The following ZNF28 variants were observed in gnomAD, a reference collection of about 807,000 sequenced individuals.
ZNF28 encodes zinc finger protein 28.
ZNF28 carries 5 observed loss-of-function variants against 7.2 expected under a neutral mutation model. The observed-to-expected ratio is 0.70, with a 90% CI of 0.36 to 1.46. The LOEUF is 1.46. ZNF28 is among the 40% of genes most tolerant of loss of function. The pLI is 0.03. For missense variants in ZNF28, 879 were observed against 866.6 expected (o/e 1.01, Z -0.18); for synonymous variants, 288 against 292.4 (o/e 0.99, Z 0.15).
chr19:52,811,317 G>T (rs1052367368), intron 2 of ZNF28, among the ~76,000 whole-genome samples: 1 of 149,562 alleles, frequency 6.7e-6, no homozygotes, highest in Non-Finnish European at 1.5e-5. Context: ...CCGCCACCCC[G>T]TCTGGGAAGT....
Position 52,800,972 on chromosome 19 carries a change from C to A in ZNF28, c.873G>T (p.Ala291=). 1 of 1,614,062 alleles carries A rather than the reference C, an allele frequency of 6.2e-7. No individual in the cohort carries two copies. The highest frequency in any genetic ancestry group is 8.5e-7 in the Non-Finnish European group (1 of 1,179,998). The change falls in exon 4 of 4, where the codon GCG becomes GCT. Residue 291 remains alanine, a synonymous_variant. Transcript: ENST00000457749. The part of the protein sequence containing the change: ...GHNTSLFLHK[A]LHTADKPYEC... Reference sequence around the variant, plus strand: ...CATAAGGTTTGTCTGCAGTATGAAGCGCCTTGTGAAGGAAGAGGGATGTAT... The same window carrying A: ...CATAAGGTTTGTCTGCAGTATGAAGAGCCTTGTGAAGGAAGAGGGATGTAT...
At chr19:52,809,257 GAC>G (rs1211882070) in intron 2 of ZNF28, among the ~76,000 whole-genome samples, 7 of 152,080 alleles carry the variant, frequency 4.6e-5, no homozygotes, top group Non-Finnish European at 8.8e-5. Context: ...TAGTAATGCG[GAC>G]GTGCACAGAG....
chr19:52,820,187 G>C (rs1165852686), intron 1 of ZNF28, among the ~76,000 whole-genome samples: 2 of 103,522 alleles, frequency 1.9e-5, no homozygotes, highest in Non-Finnish European at 3.8e-5. Flanking sequence ...GCGCAATCTC[G>C]GCTCACTGCA....
chr19:52,817,968 C>T lies in ZNF28; in HGVS notation c.-10G>A. On this transcript the variant is annotated 5_prime_UTR_variant, in exon 2 of 4. Coordinates refer to ENST00000457749, the MANE Select transcript of ZNF28 (RefSeq NM_006969.5). ...CCTGAGGAAGAGCCATCCCTGACTC[C>T]TTTGCTTTCCTCTTCCTCTTCTGGG... is the stretch of plus-strand genomic sequence containing the variant. 6.2e-7 allele frequency: 1 copy of T among 1,611,010 alleles called. No homozygotes were observed.
At position 52,800,530 on chromosome 19, in the gene ZNF28, A is replaced by G; in HGVS notation, c.1315T>C (p.Tyr439His). The G allele has an allele frequency of 6.2e-7, 1 of 1,613,550 alleles. No homozygotes were observed. The highest frequency in any genetic ancestry group is 8.5e-7 in the Non-Finnish European group (1 of 1,179,866). The change falls in exon 4 of 4, where the codon TAC becomes CAC. Residue 439 changes from tyrosine (Y) to histidine (H), a missense_variant. Coordinates refer to ENST00000457749, the MANE Select transcript of ZNF28 (RefSeq NM_006969.5). ...ACCTTGCCACATTCATTACACTTGT[A>G]AGGCTTCTCTCCAGTGTGAATTATA... ...HSIIHTGEKP[Y>H]KCNECGKVFN...
chr19:52,813,957 G>C (rs2063089158), intron 2 of ZNF28, among the ~76,000 whole-genome samples: 1 of 146,344 alleles, frequency 6.8e-6, no homozygotes, highest in Non-Finnish European at 1.5e-5. Flanking sequence ...TCATTTCCAG[G>C]GGTGGGAATT....
chr19:52,810,850 TCTCCCTCTCCCCCTCCCCCTCCCC>T (rs1328600879), intron 2 of ZNF28: 8 of 110,282 alleles, frequency 7.3e-5, no homozygotes, highest in South Asian at 2.9e-4. Context: ...TCCCTCTCCC[TCTCCCTCTCCCCCTCCCCCTCCCC>T]CTCCCCCTCC....
intron 2 of ZNF28, among the ~76,000 whole-genome samples, chr19:52,811,577 G>A (rs2063040386): frequency 6.8e-6 from 1 of 147,328 alleles, no homozygotes; most frequent in African/African-American, 2.6e-5. Flanking sequence ...GCCTCTGCTG[G>A]GCCGCAACCC....
At position 52,801,675 on chromosome 19, in the gene ZNF28, G is replaced by A. The variant is rs373554658; in HGVS notation, c.170C>T (p.Thr57Ile). The part of the protein sequence containing the change: ...LDISSKCMMK[T>I]FFSTGQGNTE... ...ATTGCCTTGCCCTGTTGAGAAGAAT[G>A]TCTTCATCATGCATTTGGAAGAGAT... The change falls in exon 4 of 4, where the codon ACA becomes ATA. Residue 57 changes from threonine (T) to isoleucine (I), a missense_variant. By Grantham distance (89) the Thr-to-Ile change is moderately conservative. Transcript: ENST00000457749. 2 of 1,611,376 alleles carry A rather than the reference G, an allele frequency of 1.2e-6. No individual in the cohort carries two copies. Among genetic ancestry groups the A allele is most frequent in the African/African-American group, 1.3e-5 (1 of 74,848 alleles).
At position 52,799,985 on chromosome 19, in the gene ZNF28, T is replaced by C; in HGVS notation, c.1860A>G (p.Ser620=). 6.2e-7 allele frequency: 1 copy of C among 1,612,976 alleles called. No homozygotes were observed. Among genetic ancestry groups the C allele is most frequent in the South Asian group, 1.1e-5 (1 of 90,774 alleles). ...GAAGCCTACGATGGATTATAAGCGA[T>C]GATGTCTGACGGAAGGTCTTGCCAC... ...NECGKTFRQT[S]SLIIHRRLHT... The change falls in exon 4 of 4, where the codon TCA becomes TCG. Residue 620 remains serine, a synonymous_variant. Transcript: ENST00000457749.
intron 2 of ZNF28, chr19:52,809,796 A>C: frequency 4.0e-6 from 2 of 506,214 alleles, no homozygotes; most frequent in East Asian, 3.4e-5. Context: ...CAGAGCGAAA[A>C]AAAAGGAGCC....
intron 1 of ZNF28, 103 bp from the exon 2 acceptor site, chr19:52,818,134 C>A: frequency 8.2e-7 from 1 of 1,216,086 alleles, no homozygotes. Flanking sequence ...GAAATATGGT[C>A]CCCTATGCTG....
chr19:52,821,374 T>C (rs1303028295), intron 1 of ZNF28, among the ~76,000 whole-genome samples: 4 of 152,048 alleles, frequency 2.6e-5, no homozygotes, highest in Non-Finnish European at 5.9e-5. Context: ...TACATTGCCC[T>C]GTAGCAGAAA....
In ZNF28 at chr19:52,820,544, A is replaced by C. The variant is rs543810962; in HGVS notation, c.-74+1042T>G. 7.1e-3 allele frequency among the ~76,000 whole-genome samples: 1,079 copies of C among 151,534 alleles called. 11 individuals are homozygous for C. Among genetic ancestry groups the C allele is most frequent in the African/African-American group, 0.025 (1,016 of 40,952 alleles). On this transcript the variant is annotated intron_variant, in intron 1 of 3. Coordinates refer to ENST00000457749, the MANE Select transcript of ZNF28 (RefSeq NM_006969.5). Reference sequence around the variant, plus strand: ...TCTCTTCTCTGTTATAACCCCCTGGACCCAGTCTGGCACCCCAGATCCCCA... The same window carrying C: ...TCTCTTCTCTGTTATAACCCCCTGGCCCCAGTCTGGCACCCCAGATCCCCA...
At chr19:52,816,692 G>C (rs1439196280) in intron 2 of ZNF28, among the ~76,000 whole-genome samples, 2 of 113,898 alleles carry the variant, frequency 1.8e-5, no homozygotes, top group Non-Finnish European at 3.4e-5. Flanking sequence ...ATTAGTTGGG[G>C]ATGGTGGCGC....
chr19:52,800,221 G>T lies in ZNF28; in HGVS notation c.1624C>A (p.His542Asn), dbSNP rs1361374818. The change falls in exon 4 of 4, where the codon CAT (histidine) becomes AAT (asparagine). Residue 542 changes from histidine (H) to asparagine (N), a missense_variant. Physicochemically the swap from His to Asn is moderately conservative, Grantham distance 68. Around this residue, in one of 2 missense-constraint regions of ZNF28, gnomAD observed 864 missense variants for 830.2 expected, o/e 1.04. Coordinates refer to ENST00000457749, the MANE Select transcript of ZNF28 (RefSeq NM_006969.5). The part of the protein sequence containing the change: ...FSTKANLACH[H>N]KLHTAEKPYK... Reference sequence around the variant, plus strand: ...GGTTTCTCTGCAGTATGAAGTTTATGATGACATGCAAGGTTTGCTTTTGTA... The same window carrying T: ...GGTTTCTCTGCAGTATGAAGTTTATTATGACATGCAAGGTTTGCTTTTGTA... The T allele has an allele frequency of 6.2e-7, 1 of 1,613,136 alleles. No individual in the cohort carries two copies. Among genetic ancestry groups the T allele is most frequent in the African/African-American group, 1.3e-5 (1 of 74,676 alleles).
At chr19:52,816,700 C>T (rs1443467007) in intron 2 of ZNF28, among the ~76,000 whole-genome samples, 1 of 105,202 alleles carries the variant, frequency 9.5e-6, no homozygotes, top group East Asian at 2.9e-4. Flanking sequence ...GGGATGGTGG[C>T]GCGCACCTAT....
intron 1 of ZNF28, among the ~76,000 whole-genome samples, 178 bp downstream of exon 1, chr19:52,821,408 G>A (rs2063196856): frequency 6.6e-6 from 1 of 152,152 alleles, no homozygotes; most frequent in Admixed American, 6.5e-5. Context: ...ACCAGCCTCA[G>A]GGCGACTTTA....
At chr19:52,812,541 C>T (rs1419045790) in intron 2 of ZNF28, among the ~76,000 whole-genome samples, 1 of 124,874 alleles carries the variant, frequency 8.0e-6, no homozygotes, top group Non-Finnish European at 1.7e-5. Flanking sequence ...GCAAGATGTG[C>T]TTTGTTAAAC....
Sources: gnomAD v4.1 joint callset for allele counts (sites outside exome capture counted in the v4.1 genomes callset) on GRCh38, gnomAD v4.1.1 for gene constraint, gnomAD v4.1.1 regional missense constraint, MANE v1.5 for transcripts, NCBI Gene and HGNC (gene_info 2026-07-23, HGNC 2026-07-21) for gene names.